The following DGKI variants were observed in gnomAD, a reference collection of about 807,000 sequenced individuals.
The protein encoded by DGKI is diacylglycerol kinase iota.
A neutral mutation model predicts 147.5 loss-of-function variants in DGKI; 55 were observed. That is an observed-to-expected ratio of 0.37 (90% CI 0.30 to 0.47). The LOEUF is 0.47. Among genes scored for constraint, DGKI ranks in the 20% least tolerant of loss-of-function variants. The pLI, the probability that DGKI is intolerant of heterozygous loss-of-function variation, is 1.00. For missense variants in DGKI, 1,007 were observed against 1,323.8 expected, an observed-to-expected ratio of 0.76 and a Z score of 3.71; for synonymous variants, 469 against 477.1, an observed-to-expected ratio of 0.98 and a Z score of 0.22.
Position 137,645,493 on chromosome 7 carries a change from C to G in DGKI, c.783G>C (p.Gly261=). ...HHWVHRRRQE[G]KCKQCGKGFQ... is the part of the protein sequence containing the mutation. ...TTACCTTACCACACTGCTTACATTTCCCCTCCTGCCGACGCCTGTGCACCC... is the reference window on the plus strand; with the variant it reads ...TTACCTTACCACACTGCTTACATTTGCCCTCCTGCCGACGCCTGTGCACCC... Residue 261 remains glycine (G), a synonymous_variant, in exon 6 of 33, where the codon GGG becomes GGC. Coordinates refer to ENST00000614521, the MANE Select transcript of DGKI (RefSeq NM_001321708.2). The G allele has an allele frequency of 6.2e-7, 1 of 1,613,650 alleles. No individual in the cohort carries two copies. Among genetic ancestry groups the G allele is most frequent in the Non-Finnish European group, 8.5e-7 (1 of 1,179,684 alleles).
intron 5 of DGKI, among the ~76,000 whole-genome samples, chr7:137,645,749 C>T (rs1309696405): frequency 1.3e-5 from 2 of 152,104 alleles, no homozygotes; most frequent in Non-Finnish European, 2.9e-5. Flanking sequence ...TTTTAATTTG[C>T]AAATCTCAAG....
At chr7:137,590,596 G>A (rs537081448) in intron 12 of DGKI, among the ~76,000 whole-genome samples, 5 of 152,208 alleles carry the variant, frequency 3.3e-5, no homozygotes, top group Admixed American at 3.3e-4. Flanking sequence ...CAGATGGAAC[G>A]TTAGGGGGTT....
rs796902464 is a variant in DGKI at position 137,691,798 on chromosome 7, G to GTTTT, written c.402-1800_402-1797dup. Among the ~76,000 whole-genome samples, 871 of 95,744 alleles carry GTTTT rather than the reference G, an allele frequency of 9.1e-3. 45 individuals carry two copies. Among genetic ancestry groups the GTTTT allele is most frequent in the African/African-American group, 0.032 (818 of 25,576 alleles). The allele number at this position is 95,744 out of a possible 152,430, so 62.8% of individuals were successfully genotyped here. A position where few individuals can be genotyped will look rare whatever the true frequency, so the allele number is the denominator to read the frequency against. On this transcript the variant is annotated intron_variant, in intron 1 of 32. Transcript: ENST00000614521. ...GCTCAGCAAGTGTCTAGACCTTTGGGTTTTTTTTTTTTTTTTTTTTTTTAA... is the reference window on the plus strand; with the variant it reads ...GCTCAGCAAGTGTCTAGACCTTTGGGTTTTTTTTTTTTTTTTTTTTTTTTTTTAA...
intron 1 of DGKI, among the ~76,000 whole-genome samples, chr7:137,807,854 C>T (rs1048132795): frequency 6.6e-6 from 1 of 152,140 alleles, no homozygotes; most frequent in African/African-American, 2.4e-5. Context: ...AGACTCTCAC[C>T]TGCCTGCCTG....
At chr7:137,742,916 G>T (rs890274386) in intron 1 of DGKI, among the ~76,000 whole-genome samples, 1 of 152,138 alleles carries the variant, frequency 6.6e-6, no homozygotes, top group Admixed American at 6.5e-5. Context: ...AGTTCTAGTG[G>T]GAACTGGGCT....
At chr7:137,449,183 C>T (rs534258772) in intron 27 of DGKI, among the ~76,000 whole-genome samples, 4 of 152,188 alleles carry the variant, frequency 2.6e-5, no homozygotes, top group Admixed American at 1.3e-4. Flanking sequence ...ATAGCCAAAG[C>T]AATCTAGAGC....
intron 21 of DGKI, among the ~76,000 whole-genome samples, chr7:137,521,475 G>A (rs1816958756): frequency 6.6e-6 from 1 of 152,026 alleles, no homozygotes; most frequent in African/African-American, 2.4e-5. Context: ...ACATCTCTGT[G>A]ACGAATGAGG....
chr7:137,435,420 G>C (rs2128913288), intron 28 of DGKI, among the ~76,000 whole-genome samples: 1 of 152,278 alleles, frequency 6.6e-6, no homozygotes, highest in Admixed American at 6.5e-5. Flanking sequence ...CCTGCATGAA[G>C]GACAATGAAG....
chr7:137,662,240 CTTT>C (rs1170356266), intron 3 of DGKI, among the ~76,000 whole-genome samples: 2 of 126,432 alleles, frequency 1.6e-5, no homozygotes, highest in Non-Finnish European at 3.3e-5. Flanking sequence ...CAGCACACTC[CTTT>C]TTTTTTTTTT....
chr7:137,592,345 G>A (rs1454000568), intron 12 of DGKI, among the ~76,000 whole-genome samples: 2 of 152,210 alleles, frequency 1.3e-5, no homozygotes, highest in African/African-American at 2.4e-5. Context: ...TGATTTTCCA[G>A]CTTGCAAAGT....
intron 8 of DGKI, among the ~76,000 whole-genome samples, 158 bp from the exon 9 acceptor site, chr7:137,609,767 C>G (rs1389646967): frequency 1.3e-5 from 2 of 152,106 alleles, no homozygotes; most frequent in East Asian, 1.9e-4. Context: ...AAGCCACAGA[C>G]AGAAATCAGT....
intron 1 of DGKI, among the ~76,000 whole-genome samples, chr7:137,832,536 C>G (rs1486363286): frequency 6.6e-6 from 1 of 152,230 alleles, no homozygotes; most frequent in Non-Finnish European, 1.5e-5. Flanking sequence ...GCACAAGACA[C>G]CAAGTCCATA....
chr7:137,690,039 A>C (rs749273597), intron 1 of DGKI, 37 bp from the exon 2 acceptor site: 16 of 1,292,320 alleles, frequency 1.2e-5, no homozygotes, highest in Non-Finnish European at 1.5e-5. Context: ...AAAACAAAGA[A>C]AAACCAACAT....
At chr7:137,745,801 G>A (rs1795308707) in intron 1 of DGKI, among the ~76,000 whole-genome samples, 1 of 152,118 alleles carries the variant, frequency 6.6e-6, no homozygotes, top group Admixed American at 6.5e-5. Context: ...CATATGCTGA[G>A]GTTACTAAGA....
intron 20 of DGKI, among the ~76,000 whole-genome samples, chr7:137,552,060 G>A (rs1344658968): frequency 2.6e-5 from 4 of 152,126 alleles, no homozygotes; most frequent in East Asian, 1.9e-4. Flanking sequence ...ACCTGAACAC[G>A]GTTTACCATC....
intron 8 of DGKI, among the ~76,000 whole-genome samples, chr7:137,617,991 G>A (rs1820592509): frequency 1.3e-5 from 2 of 149,306 alleles, no homozygotes; most frequent in African/African-American, 4.9e-5. Flanking sequence ...TTAAGGTTTA[G>A]AAGAGTAAAC....
chr7:137,499,706 T>C (rs1816102817), intron 21 of DGKI, among the ~76,000 whole-genome samples: 1 of 152,164 alleles, frequency 6.6e-6, no homozygotes, highest in Admixed American at 6.5e-5. Flanking sequence ...CCAGCTCCCC[T>C]GGTTCTCAGG....
At chr7:137,619,420 C>T (rs1258912350) in intron 8 of DGKI, among the ~76,000 whole-genome samples, 1 of 152,062 alleles carries the variant, frequency 6.6e-6, no homozygotes, top group Non-Finnish European at 1.5e-5. Context: ...GGAATCTTAA[C>T]CAAACCATGA....
intron 28 of DGKI, among the ~76,000 whole-genome samples, chr7:137,424,987 T>C (rs1812732731): frequency 6.6e-6 from 1 of 152,206 alleles, no homozygotes; most frequent in Non-Finnish European, 1.5e-5. Flanking sequence ...AAGACAGCAG[T>C]AACCTCTGCA....
Sources: allele counts gnomAD v4.1 joint callset (sites outside exome capture counted in the v4.1 genomes callset), GRCh38; gene constraint gnomAD v4.1.1; transcripts MANE v1.5; gene names NCBI Gene and HGNC (gene_info 2026-07-23, HGNC 2026-07-21).